MAL: variants seen among roughly 807,000 people sequenced by gnomAD.
MAL encodes myelin and lymphocyte protein.
Under a neutral mutation model 16.7 loss-of-function variants are expected in MAL, and 5 were observed. The ratio of observed to expected loss-of-function variants is 0.30; its 90% confidence interval spans 0.16 to 0.63. The LOEUF (loss-of-function observed/expected upper bound fraction) is 0.63. Among genes scored for constraint, MAL ranks in the 30% least tolerant of loss-of-function variants. MAL has a pLI of 0.82. For synonymous variants in MAL, 96 were observed against 85.5 expected (o/e 1.12, Z -0.67); for missense variants, 202 against 195.8 (o/e 1.03, Z -0.19).
intron 1 of MAL, among the ~76,000 whole-genome samples, chr2:95,040,749 G>A (rs964945167): frequency 6.6e-6 from 1 of 152,172 alleles, no homozygotes; most frequent in Non-Finnish European, 1.5e-5. Context: ...TCGTCTGGCG[G>A]GGACATCTCT....
At chr2:95,029,154 T>C (rs1207472619) in intron 1 of MAL, among the ~76,000 whole-genome samples, 3 of 152,258 alleles carry the variant, frequency 2.0e-5, no homozygotes, top group African/African-American at 7.2e-5. Context: ...CCCAACTTTG[T>C]CAAATCTTAA....
intron 1 of MAL, among the ~76,000 whole-genome samples, chr2:95,042,799 C>A (rs1674501550): frequency 6.6e-6 from 1 of 152,242 alleles, no homozygotes; most frequent in Non-Finnish European, 1.5e-5. Context: ...CCCTCACATA[C>A]TCCCTTGCTC....
intron 1 of MAL, among the ~76,000 whole-genome samples, chr2:95,042,007 C>T (rs765242431): frequency 6.6e-6 from 1 of 152,174 alleles, no homozygotes; most frequent in Non-Finnish European, 1.5e-5. Flanking sequence ...CCTCCAAACG[C>T]CCATGCACCC....
At chr2:95,026,170 T>G (rs1253994939) in intron 1 of MAL, among the ~76,000 whole-genome samples, 1 of 152,074 alleles carries the variant, frequency 6.6e-6, no homozygotes, top group African/African-American at 2.4e-5. Context: ...GGGACGGCTC[T>G]TGGTTCGCTG....
intron 1 of MAL, chr2:95,026,197 C>T: frequency 5.1e-6 from 1 of 197,008 alleles, no homozygotes; most frequent in African/African-American, 2.3e-5. Context: ...AAGCTGCGCG[C>T]GGGGCCCACT....
chr2:95,037,944 CTGAGTGAGTGAGTGACTGAG>C (rs1674288505), intron 1 of MAL, among the ~76,000 whole-genome samples: 8 of 67,328 alleles, frequency 1.2e-4, no homozygotes, highest in African/African-American at 2.5e-4. Context: ...GAGTGAGTAA[CTGAGTGAGTGAGTGACTGAG>C]TGAGTGAGTG....
intron 1 of MAL, among the ~76,000 whole-genome samples, chr2:95,042,857 T>C (rs1294022859): frequency 6.6e-6 from 1 of 152,202 alleles, no homozygotes; most frequent in Non-Finnish European, 1.5e-5. Context: ...CTGGAACAGA[T>C]TGCTCTGTGC....
intron 1 of MAL, among the ~76,000 whole-genome samples, chr2:95,032,173 G>A (rs188322787): frequency 9.9e-4 from 151 of 152,372 alleles, no homozygotes; most frequent in Non-Finnish European, 9.1e-4. Context: ...TGCCAGCAGC[G>A]CTCACACTCA....
chr2:95,049,477 G>A, intron 2 of MAL, 104 bp from the exon 3 acceptor site: 1 of 1,443,110 alleles, frequency 6.9e-7, no homozygotes, highest in Non-Finnish European at 9.5e-7. Flanking sequence ...GGATTCAAAG[G>A]AAGTGGGGGG....
intron 1 of MAL, among the ~76,000 whole-genome samples, chr2:95,032,418 G>A (rs1674105683): frequency 6.6e-6 from 1 of 152,192 alleles, no homozygotes; most frequent in African/African-American, 2.4e-5. Flanking sequence ...AGAAGGGGCT[G>A]GGGGCTGACT....
intron 3 of MAL, among the ~76,000 whole-genome samples, chr2:95,052,235 C>T (rs993614925): frequency 1.3e-5 from 2 of 152,196 alleles, no homozygotes; most frequent in African/African-American, 4.8e-5. Flanking sequence ...TTTGCCCATT[C>T]GTGCCCAGCT....
chr2:95,030,492 C>T (rs1230872225), intron 1 of MAL, among the ~76,000 whole-genome samples: 3 of 152,222 alleles, frequency 2.0e-5, no homozygotes, highest in African/African-American at 7.2e-5. Context: ...CACTGGGCCA[C>T]CATTCAGGGA....
At chr2:95,037,911 GGTGA>G (rs1229228055) in intron 1 of MAL, among the ~76,000 whole-genome samples, 3 of 68,384 alleles carry the variant, frequency 4.4e-5, no homozygotes, top group East Asian at 4.6e-4. Flanking sequence ...TGAGTGACTT[GGTGA>G]GTGAGTGACT....
intron 1 of MAL, among the ~76,000 whole-genome samples, chr2:95,035,508 G>T (rs1014477446): frequency 2.6e-4 from 39 of 152,202 alleles, no homozygotes; most frequent in Non-Finnish European, 1.9e-4. Flanking sequence ...AGGGAGGTGG[G>T]TGTTAAGTCA....
chr2:95,039,529 T>C (rs572743286), intron 1 of MAL, among the ~76,000 whole-genome samples: 90 of 149,502 alleles, frequency 6.0e-4, no homozygotes, highest in Middle Eastern at 3.7e-3. Flanking sequence ...ACTGAGTGAC[T>C]GAGTGGGTGA....
intron 1 of MAL, among the ~76,000 whole-genome samples, chr2:95,041,050 G>A (rs964997385): frequency 6.6e-6 from 1 of 152,180 alleles, no homozygotes; most frequent in Non-Finnish European, 1.5e-5. Flanking sequence ...ATTTCCGTTT[G>A]TGGAGGCCCT....
At chr2:95,038,778 GAGC>G (rs2104345144) in intron 1 of MAL, among the ~76,000 whole-genome samples, 1 of 150,564 alleles carries the variant, frequency 6.6e-6, no homozygotes, top group Middle Eastern at 3.5e-3. Flanking sequence ...CTGAGTGAGT[GAGC>G]AAGTGAGTGA....
chr2:95,052,153 G>T (rs1235243224), intron 3 of MAL, among the ~76,000 whole-genome samples: 3 of 152,204 alleles, frequency 2.0e-5, no homozygotes, highest in Non-Finnish European at 4.4e-5. Flanking sequence ...GGAGAAATCT[G>T]GAGGTTTCTA....
chr2:95,053,867 G>C lies in MAL; in HGVS notation c.*412G>C, dbSNP rs1282783718. 5.3e-6 allele frequency: 1 copy of C among 188,384 alleles called. No homozygotes were observed. Among genetic ancestry groups the C allele is most frequent in the Non-Finnish European group, 1.1e-5 (1 of 89,608 alleles). 11.7% of individuals were successfully genotyped at this position (188,384 alleles called of 1,614,324 possible). A position where few individuals can be genotyped will look rare whatever the true frequency, so the allele number is the denominator to read the frequency against. On this transcript the variant is annotated 3_prime_UTR_variant, in exon 4 of 4. Transcript: ENST00000309988. ...TCCCGAGCGCCCCATCTTGTGCCAT[G>C]TTTTAAGTCTTCATGGATGTTCTGC...
Sources: allele counts gnomAD v4.1 joint callset (sites outside exome capture counted in the v4.1 genomes callset), GRCh38; gene constraint gnomAD v4.1.1; transcripts MANE v1.5; gene names NCBI Gene and HGNC (gene_info 2026-07-23, HGNC 2026-07-21).